Variants in IQCJ observed in about 807,000 individuals in gnomAD.
IQCJ encodes IQ motif containing J, also known as IQ domain-containing protein J.
IQCJ carries 9 observed loss-of-function variants against 11.0 expected under a neutral mutation model. That is an observed-to-expected ratio of 0.82 (90% CI 0.49 to 1.43). The LOEUF (loss-of-function observed/expected upper bound fraction) is 1.43. Among genes scored for constraint, IQCJ ranks in the 40% most tolerant of loss-of-function variants. The pLI is 0.00. For missense variants in IQCJ, 146 were observed against 133.2 expected (o/e 1.10, Z -0.47); for synonymous variants, 55 against 51.3 (o/e 1.07, Z -0.31).
At chr3:159,252,425 TC>T (rs150207572) in intron 2 of IQCJ, among the ~76,000 whole-genome samples, 5,725 of 152,266 alleles carry the variant, frequency 0.038, 154 homozygotes, top group Middle Eastern at 0.071. Context: ...GTGTTTTTTC[TC>T]CCCCTGAAAT....
In IQCJ at chr3:159,069,408, C is replaced by A; in HGVS notation, c.-25C>A. On this transcript the variant is annotated 5_prime_UTR_variant, in exon 1 of 4. In the 5' UTR this introduces an upstream ATG that the reference lacks. Coordinates refer to ENST00000397832, the MANE Select transcript of IQCJ (RefSeq NM_001042706.3). ...AGCATCCGATCCAGTCTCCTTTCAC[C>A]TGCAGGTGTTCCAGAAACTTCAAAA... The A allele has an allele frequency of 6.2e-7, 1 of 1,607,534 alleles. No homozygotes were observed. The highest frequency in any genetic ancestry group is 8.5e-7 in the Non-Finnish European group (1 of 1,177,390).
At chr3:159,081,166 T>G (rs1180491694) in intron 1 of IQCJ, among the ~76,000 whole-genome samples, 1 of 152,118 alleles carries the variant, frequency 6.6e-6, no homozygotes, top group Non-Finnish European at 1.5e-5. Context: ...TGTCTTTTAT[T>G]GTGTGATGAC....
chr3:159,224,650 C>T (rs1294972422), intron 1 of IQCJ, among the ~76,000 whole-genome samples: 3 of 152,186 alleles, frequency 2.0e-5, no homozygotes, highest in Non-Finnish European at 4.4e-5. Flanking sequence ...GAAGTATACA[C>T]TACCACCTAA....
At chr3:159,085,591 C>A (rs1199133645) in intron 1 of IQCJ, among the ~76,000 whole-genome samples, 40 of 146,792 alleles carry the variant, frequency 2.7e-4, no homozygotes, top group African/African-American at 1.0e-3. Flanking sequence ...TGTTTCCTGA[C>A]TTTTTAATGA....
intron 1 of IQCJ, among the ~76,000 whole-genome samples, chr3:159,096,393 T>G (rs141819952): frequency 1.4e-4 from 20 of 146,982 alleles, no homozygotes; most frequent in African/African-American, 3.6e-4. Context: ...GTCAATTTTG[T>G]CTTTTGTTGC....
chr3:159,103,146 C>T (rs1479113983), intron 1 of IQCJ, among the ~76,000 whole-genome samples: 3 of 152,166 alleles, frequency 2.0e-5, no homozygotes. Flanking sequence ...AAATTATCCA[C>T]TTTCATTCAC....
intron 1 of IQCJ, among the ~76,000 whole-genome samples, chr3:159,200,514 C>T (rs1239842129): frequency 2.0e-5 from 3 of 152,002 alleles, no homozygotes. Context: ...GGTGTTGATG[C>T]AGGGAGGGGA....
At chr3:159,228,472 T>C (rs770005228) in intron 1 of IQCJ, among the ~76,000 whole-genome samples, 2 of 152,186 alleles carry the variant, frequency 1.3e-5, no homozygotes, top group African/African-American at 2.4e-5. Flanking sequence ...AGTCATCTCA[T>C]TGGGAATTTC....
At chr3:159,197,285 C>A (rs960778126) in intron 1 of IQCJ, among the ~76,000 whole-genome samples, 3 of 152,168 alleles carry the variant, frequency 2.0e-5, no homozygotes, top group Non-Finnish European at 4.4e-5. Flanking sequence ...TCAGTTGTTA[C>A]CTCCTATTGA....
chr3:159,128,235 G>A (rs898235570), intron 1 of IQCJ, among the ~76,000 whole-genome samples: 3 of 152,166 alleles, frequency 2.0e-5, no homozygotes, highest in African/African-American at 7.2e-5. Flanking sequence ...ACATTCATAA[G>A]AGAAATTTGG....
chr3:159,229,122 A>G (rs1273291338), intron 1 of IQCJ, among the ~76,000 whole-genome samples: 1 of 152,176 alleles, frequency 6.6e-6, no homozygotes, highest in African/African-American at 2.4e-5. Flanking sequence ...GTCTCTGACA[A>G]TAAATGCCAT....
At chr3:159,117,049 T>G (rs1719065403) in intron 1 of IQCJ, among the ~76,000 whole-genome samples, 2 of 152,194 alleles carry the variant, frequency 1.3e-5, no homozygotes, top group Admixed American at 6.5e-5. Context: ...ATTACATTTT[T>G]GTTATACTAC....
At chr3:159,264,711 A>C (rs905414685), downstream of IQCJ, among the ~76,000 whole-genome samples, 2 of 152,146 alleles carry the variant, frequency 1.3e-5, no homozygotes, top group African/African-American at 2.4e-5. Flanking sequence ...CAGGAGTTTG[A>C]GATCAGCCTA....
intron 1 of IQCJ, among the ~76,000 whole-genome samples, chr3:159,152,965 G>A (rs1721313335): frequency 6.6e-6 from 1 of 152,160 alleles, no homozygotes; most frequent in Non-Finnish European, 1.5e-5. Context: ...AAAGGCAAAT[G>A]TCACTCATAC....
At chr3:159,112,883 C>T (rs1476469333) in intron 1 of IQCJ, among the ~76,000 whole-genome samples, 1 of 152,174 alleles carries the variant, frequency 6.6e-6, no homozygotes, top group Non-Finnish European at 1.5e-5. Context: ...AAGGTGTTTT[C>T]CCAATGGAGT....
chr3:159,089,961 G>C (rs186239531), intron 1 of IQCJ, among the ~76,000 whole-genome samples: 1 of 152,000 alleles, frequency 6.6e-6, no homozygotes, highest in East Asian at 1.9e-4. Flanking sequence ...TGTTGCTGTT[G>C]AGGAACTGCA....
chr3:159,083,975 G>T (rs2108063317), intron 1 of IQCJ, among the ~76,000 whole-genome samples: 1 of 152,164 alleles, frequency 6.6e-6, no homozygotes, highest in East Asian at 1.9e-4. Flanking sequence ...GAACTGTTCT[G>T]TATATGGACT....
At chr3:159,191,556 A>G (rs545875995) in intron 1 of IQCJ, among the ~76,000 whole-genome samples, 4 of 152,224 alleles carry the variant, frequency 2.6e-5, no homozygotes, top group Non-Finnish European at 4.4e-5. Context: ...GGGCGATGGG[A>G]TTTATAGCCT....
At chr3:159,151,335 C>T (rs1455618968) in intron 1 of IQCJ, among the ~76,000 whole-genome samples, 5 of 152,224 alleles carry the variant, frequency 3.3e-5, no homozygotes, top group African/African-American at 4.8e-5. Flanking sequence ...GCACTTCCTG[C>T]CAGAGCATCT....
Sources: allele counts gnomAD v4.1 joint callset (sites outside exome capture counted in the v4.1 genomes callset), GRCh38; gene constraint gnomAD v4.1.1; transcripts MANE v1.5; gene names NCBI Gene and HGNC (gene_info 2026-07-23, HGNC 2026-07-21).